The following LCA5L variants were observed in gnomAD, a reference collection of about 807,000 sequenced individuals.
LCA5L encodes the protein lebercilin LCA5 like.
LCA5L carries 35 observed loss-of-function variants against 45.4 expected under a neutral mutation model. The ratio of observed to expected loss-of-function variants is 0.77; its 90% CI spans 0.59 to 1.02. LCA5L has a LOEUF of 1.02. LCA5L is among the 50% of genes least tolerant of loss of function. LCA5L has a pLI of 0.00. For missense variants in LCA5L, 668 were observed against 761.6 expected (o/e 0.88, Z 1.45); for synonymous variants, 233 against 264.7 (o/e 0.88, Z 1.16).
At chr21:39,417,116 T>C (rs1274485413) in intron 7 of LCA5L, among the ~76,000 whole-genome samples, 2 of 152,246 alleles carry the variant, frequency 1.3e-5, no homozygotes, top group Non-Finnish European at 1.5e-5. Flanking sequence ...CACTGTAATC[T>C]CCGCCTCCTG....
intron 8 of LCA5L, 31 bp from the exon 9 acceptor site, chr21:39,410,398 C>A: frequency 8.9e-7 from 1 of 1,122,038 alleles, no homozygotes; most frequent in Non-Finnish European, 1.3e-6. Context: ...ATGTAAGAAA[C>A]ATATTTTACA....
intron 6 of LCA5L, 45 bp downstream of exon 6, chr21:39,422,931 A>C (rs1174373174): frequency 1.9e-6 from 3 of 1,567,128 alleles, no homozygotes; most frequent in Admixed American, 1.8e-5. Flanking sequence ...CCCTCTCTCT[A>C]TTAACTTTGG....
At chr21:39,431,375 A>T (rs2075696673) in intron 3 of LCA5L, among the ~76,000 whole-genome samples, 1 of 152,036 alleles carries the variant, frequency 6.6e-6, no homozygotes, top group African/African-American at 2.4e-5. Flanking sequence ...TAGCAAAATT[A>T]TCCACAATCT....
chr21:39,410,988 G>T (rs1028772511), intron 8 of LCA5L: 1 of 467,350 alleles, frequency 2.1e-6, no homozygotes, highest in African/African-American at 2.0e-5. Context: ...GGGAGATTTT[G>T]GGGGGAAAGC....
chr21:39,410,219 A>G (rs1021497738), intron 9 of LCA5L, 45 bp downstream of exon 9: 2 of 1,310,874 alleles, frequency 1.5e-6, no homozygotes, highest in Admixed American at 1.8e-5. Flanking sequence ...TATTTTTGTT[A>G]AGACATGTTT....
chr21:39,442,931 G>A (rs148451797), intron 2 of LCA5L, among the ~76,000 whole-genome samples: 3 of 152,282 alleles, frequency 2.0e-5, no homozygotes, highest in South Asian at 2.1e-4. Flanking sequence ...AACAGATGCC[G>A]AGCTTTGAGA....
chr21:39,427,333 T>G (rs1483401191), intron 5 of LCA5L, among the ~76,000 whole-genome samples: 1 of 152,094 alleles, frequency 6.6e-6, no homozygotes, highest in South Asian at 2.1e-4. Context: ...TAATTCCAAT[T>G]TGGACAGCTG....
intron 7 of LCA5L, among the ~76,000 whole-genome samples, chr21:39,412,008 C>T (rs985179894): frequency 2.0e-5 from 3 of 152,282 alleles, no homozygotes; most frequent in South Asian, 2.1e-4. Flanking sequence ...TTATTGTGAT[C>T]GGGACAGTAT....
At chr21:39,436,301 T>G (rs2076281401) in intron 2 of LCA5L, 1 of 152,212 alleles carries the variant, frequency 6.6e-6, no homozygotes, top group African/African-American at 2.4e-5. Flanking sequence ...CATACTTTCA[T>G]GAATTATCAG....
chr21:39,420,569 A>C, intron 7 of LCA5L, 137 bp downstream of exon 7: 4 of 402,708 alleles, frequency 9.9e-6, no homozygotes, highest in East Asian at 4.3e-5. Flanking sequence ...ATGGGGGCCC[A>C]GGCCCCCTAC....
intron 6 of LCA5L, chr21:39,422,029 C>G (rs2073855143): frequency 1.3e-5 from 2 of 152,148 alleles, no homozygotes; most frequent in Non-Finnish European, 2.9e-5. Flanking sequence ...AATAATATCA[C>G]TTTGGTATAC....
At chr21:39,444,237 A>ATGATTCCT (rs1555908068) in intron 1 of LCA5L, 36 bp from the exon 2 acceptor site, 1 of 152,230 alleles carries the variant, frequency 6.6e-6, no homozygotes, top group Non-Finnish European at 1.5e-5. Context: ...AAACTCCTAC[A>ATGATTCCT]TGATTCCTGT....
chr21:39,415,810 C>A (rs1275089065), intron 7 of LCA5L, among the ~76,000 whole-genome samples: 1 of 152,150 alleles, frequency 6.6e-6, no homozygotes, highest in Non-Finnish European at 1.5e-5. Flanking sequence ...ATGGGGGTAT[C>A]TGTAATGCAG....
At chr21:39,445,581 C>A (rs13051054) in intron 1 of LCA5L, 144 bp downstream of exon 1, 78,665 of 152,730 alleles carry the variant, frequency 0.52, 20,657 homozygotes, top group East Asian at 0.68. Flanking sequence ...GGGGCGCCAG[C>A]GAGGCAGGCA....
chr21:39,427,545 C>T (rs2074957938), intron 5 of LCA5L, among the ~76,000 whole-genome samples: 1 of 151,842 alleles, frequency 6.6e-6, no homozygotes, highest in East Asian at 1.9e-4. Flanking sequence ...GCCTGTAGTC[C>T]CAGCTACTCA....
In LCA5L at chr21:39,423,275, G is replaced by A. The variant is rs763762859; in HGVS notation, c.538C>T (p.Leu180Phe). 16 of 1,609,696 alleles carry A rather than the reference G, an allele frequency of 9.9e-6. No homozygotes were observed. Among genetic ancestry groups the A allele is most frequent in the African/African-American group, 5.3e-5 (4 of 74,790 alleles). ...TENQFLKQLQ[L>F]RHLKAIGKYE... ...TTTCCTATAGCTTTCAAATGCCTAA[G>A]CTGAAGTTGTTTCAAAAATTGGTTT... is the stretch of plus-strand genomic sequence containing the variant. Residue 180 changes from leucine (L) to phenylalanine (F), a missense_variant, in exon 6 of 11, where the codon CTT becomes TTT. Coordinates refer to ENST00000288350, the MANE Select transcript of LCA5L (RefSeq NM_152505.4).
intron 2 of LCA5L, 75 bp downstream of exon 2, chr21:39,444,060 A>T (rs1052584142): frequency 6.6e-6 from 1 of 151,376 alleles, no homozygotes; most frequent in African/African-American, 2.4e-5. Flanking sequence ...AAAAAGAGAG[A>T]TTGGCTAGGG....
rs1166511336 is a variant in LCA5L at position 39,406,130 on chromosome 21, T to C, written c.1765A>G (p.Thr589Ala). 1.2e-6 allele frequency: 2 copies of C among 1,614,274 alleles called. No homozygotes were observed. Among genetic ancestry groups the C allele is most frequent in the Admixed American group, 3.3e-5 (2 of 60,032 alleles). ...GKSSRIKVKD[T>A]TFRDKKSSLM... is the part of the protein sequence containing the mutation. ...CTGCTTTTCTTATCTCTGAAAGTTGTATCCTTCACTTTTATTCTGGAAGAC... is the reference window on the plus strand; with the variant it reads ...CTGCTTTTCTTATCTCTGAAAGTTGCATCCTTCACTTTTATTCTGGAAGAC... The change falls in exon 11 of 11, where the codon ACA becomes GCA. Residue 589 changes from threonine (T) to alanine (A), a missense_variant. Transcript: ENST00000288350.
chr21:39,420,903 T>C, intron 6 of LCA5L, 60 bp from the exon 7 acceptor site: 1 of 1,342,018 alleles, frequency 7.5e-7, no homozygotes, highest in Non-Finnish European at 1.1e-6. Flanking sequence ...AAAACTTCAA[T>C]TATCATGGAA....
Sources: gnomAD v4.1 joint callset for allele counts (sites outside exome capture counted in the v4.1 genomes callset) on GRCh38, gnomAD v4.1.1 for gene constraint, MANE v1.5 for transcripts, NCBI Gene and HGNC (gene_info 2026-07-23, HGNC 2026-07-21) for gene names.